Variants in IGSF10 observed in about 807,000 individuals in gnomAD.
The protein encoded by IGSF10 is immunoglobulin superfamily member 10.
IGSF10 carries 126 observed loss-of-function variants against 128.2 expected under a neutral mutation model. That is an observed-to-expected ratio of 0.98 (90% CI 0.85 to 1.14). The LOEUF (loss-of-function observed/expected upper bound fraction) is 1.14. Among genes scored for constraint, IGSF10 ranks in the 50% most tolerant of loss-of-function variants. The pLI, the probability that IGSF10 is intolerant of heterozygous loss-of-function variation, is 0.00. For synonymous variants in IGSF10, 1,185 were observed against 1,146.2 expected, an observed-to-expected ratio of 1.03 and a Z score of -0.68; for missense variants, 3,295 against 3,149.8, an observed-to-expected ratio of 1.05 and a Z score of -1.10.
At position 151,457,134 on chromosome 3, in the gene IGSF10, CA is replaced by C; in HGVS notation, c.215del (p.Leu72Ter). 6.2e-7 allele frequency: 1 copy of C among 1,614,134 alleles called. No individual in the cohort carries two copies. Among genetic ancestry groups the C allele is most frequent in the South Asian group, 1.1e-5 (1 of 91,064 alleles). ...TCAGGCCAGAAAAATCTGTTTCCAT[CA>C]ATCTAACCAAGCTGTTGTATCTGAA... ...INLGYNSLVR[L>X]METDFSGLTK... On this transcript the variant is annotated frameshift_variant, in exon 4 of 8. Coordinates refer to ENST00000282466, the MANE Select transcript of IGSF10 (RefSeq NM_178822.5). LOFTEE classifies it high-confidence loss of function.
At chr3:151,500,291 G>A in the IGSF10 span, among the ~76,000 whole-genome samples, 1,826 of 148,892 alleles carry the variant, frequency 0.012, 94 homozygotes, top group East Asian at 0.17. Flanking sequence ...CATGTATTGT[G>A]TATCTCCCAG....
chr3:151,443,966 TAAG>T (rs1181398495), intron 6 of IGSF10, 82 bp from the exon 7 acceptor site: 1 of 1,072,530 alleles, frequency 9.3e-7, no homozygotes, highest in Non-Finnish European at 1.3e-6. Flanking sequence ...TTTGGGCTAC[TAAG>T]AATACATTTA....
chr3:151,537,413 C>T, the IGSF10 span, among the ~76,000 whole-genome samples: 2 of 151,932 alleles, frequency 1.3e-5, no homozygotes, highest in African/African-American at 4.8e-5. Flanking sequence ...AGGTTGAGGC[C>T]GAGAAGAAAG....
Position 151,443,596 on chromosome 3 carries a change from T to C in IGSF10, c.5351A>G (p.Gln1784Arg). The change falls in exon 7 of 8, where the codon CAA becomes CGA. Residue 1784 changes from glutamine to arginine, a missense_variant. Transcript: ENST00000282466. ...SPTVTWILAN[Q>R]TVVSESSQGS... is the part of the protein sequence containing the mutation. The stretch of plus-strand genomic sequence containing the variant: ...CTGGGATGATTCTGAGACAACTGTT[T>C]GGTTTGCAAGAATCCAGGTAACTGT... 1.2e-6 allele frequency: 2 copies of C among 1,614,246 alleles called. No homozygotes were observed. The highest frequency in any genetic ancestry group is 1.7e-6 in the Non-Finnish European group (2 of 1,180,048).
the IGSF10 span, among the ~76,000 whole-genome samples, chr3:151,608,040 G>A: frequency 6.6e-6 from 1 of 151,894 alleles, no homozygotes; most frequent in South Asian, 2.1e-4. Context: ...ATGTCCTGTG[G>A]TCTGAAGACT....
At chr3:151,513,275 G>T in the IGSF10 span, among the ~76,000 whole-genome samples, 1 of 151,992 alleles carries the variant, frequency 6.6e-6, no homozygotes, top group Non-Finnish European at 1.5e-5. Flanking sequence ...CCATGATCAA[G>T]TGGGCTTCAT....
rs777237629 is a variant in IGSF10 at position 151,438,573 on chromosome 3, G to T, written c.5988C>A (p.Tyr1996Ter). The change falls in exon 8 of 8, where the codon TAC (tyrosine) becomes TAA (stop). Residue 1996 changes from tyrosine (Y) to a stop codon, truncating the protein, a stop_gained. Coordinates refer to ENST00000282466, the MANE Select transcript of IGSF10 (RefSeq NM_178822.5). LOFTEE classifies it low-confidence loss of function (END_TRUNC). The part of the protein sequence containing the change: ...QHRVGSWIHV[Y>*]PNGSLFIGSV... ...ATCCAATAAACAGGGATCCATTAGG[G>T]TAGACGTGGATCCAGCTGCCCACTC... 22 of 1,613,230 alleles carry T rather than the reference G, an allele frequency of 1.4e-5. No homozygotes were observed. The highest frequency in any genetic ancestry group is 1.8e-5 in the Non-Finnish European group (21 of 1,179,758).
At chr3:151,592,035 G>A in the IGSF10 span, among the ~76,000 whole-genome samples, 1 of 152,208 alleles carries the variant, frequency 6.6e-6, no homozygotes, top group East Asian at 1.9e-4. Context: ...GAAATTATAT[G>A]TCTCCTGAAG....
chr3:151,608,794 A>G, the IGSF10 span, among the ~76,000 whole-genome samples: 1 of 152,220 alleles, frequency 6.6e-6, no homozygotes, highest in Non-Finnish European at 1.5e-5. Context: ...GAAAATGATA[A>G]GTAAATAAGG....
chr3:151,539,638 A>ATGAATCTGTAATCC, the IGSF10 span, among the ~76,000 whole-genome samples: 2 of 152,184 alleles, frequency 1.3e-5, no homozygotes, highest in African/African-American at 2.4e-5. Flanking sequence ...TTGTATCAAT[A>ATGAATCTGTAATCC]TGAATCTGTA....
At chr3:151,615,964 GTTTT>G in the IGSF10 span, among the ~76,000 whole-genome samples, 1 of 132,354 alleles carries the variant, frequency 7.6e-6, no homozygotes, top group African/African-American at 2.8e-5. Context: ...GTTTTTTGAG[GTTTT>G]TTTTTTTTTT....
At chr3:151,554,341 A>C in the IGSF10 span, among the ~76,000 whole-genome samples, 1 of 152,158 alleles carries the variant, frequency 6.6e-6, no homozygotes, top group African/African-American at 2.4e-5. Context: ...TAAAAAAGTC[A>C]ATAGCCCATC....
rs763565475 is a variant in IGSF10 at position 151,447,686 on chromosome 3, C to G, written c.2295G>C (p.Lys765Asn). The G allele has an allele frequency of 6.2e-7, 1 of 1,614,166 alleles. No individual in the cohort carries two copies. The change falls in exon 6 of 8, where the codon AAG (lysine) becomes AAC (asparagine). Residue 765 changes from lysine (K) to asparagine (N), a missense_variant. Transcript: ENST00000282466. ...HWAALLEKAK[K>N]NAMPDKRENT... ...TTTCTCGCTTGTCTGGCATAGCATT[C>G]TTTTTAGCTTTCTCCAACAGTGCCG...
chr3:151,562,104 C>T, the IGSF10 span, among the ~76,000 whole-genome samples: 7 of 152,048 alleles, frequency 4.6e-5, no homozygotes, highest in Non-Finnish European at 8.8e-5. Context: ...AGGAAGTTAG[C>T]ACAAGATACA....
At chr3:151,498,917 A>G in the IGSF10 span, among the ~76,000 whole-genome samples, 2 of 152,290 alleles carry the variant, frequency 1.3e-5, no homozygotes, top group Non-Finnish European at 2.9e-5. Context: ...ACTGGCTGCT[A>G]AAATGGACAT....
chr3:151,509,954 G>C, the IGSF10 span, among the ~76,000 whole-genome samples: 2 of 152,216 alleles, frequency 1.3e-5, no homozygotes, highest in Non-Finnish European at 2.9e-5. Context: ...GCTCAGGCTT[G>C]AGTAGGTAAA....
chr3:151,436,610 C>CAAT lies in IGSF10; in HGVS notation c.*78_*79insATT, dbSNP rs1480974245. Reference sequence around the variant, plus strand: ...CTGTAAATGTATTCAAATTCATTTACATGCCTATGGCTGCCTTTGATTAAA... The same window carrying CAAT: ...CTGTAAATGTATTCAAATTCATTTACAATATGCCTATGGCTGCCTTTGATTAAA... On this transcript the variant is annotated 3_prime_UTR_variant, in exon 8 of 8. Transcript: ENST00000282466. 32 of 950,272 alleles carry CAAT rather than the reference C, an allele frequency of 3.4e-5. No homozygotes were observed. Among genetic ancestry groups the CAAT allele is most frequent in the Non-Finnish European group, 5.0e-5 (31 of 623,834 alleles). 58.9% of individuals were successfully genotyped at this position (950,272 alleles called of 1,614,324 possible). A position where few individuals can be genotyped will look rare whatever the true frequency, so the allele number is the denominator to read the frequency against.
upstream of IGSF10, among the ~76,000 whole-genome samples, chr3:151,462,545 G>A (rs532868800): frequency 1.1e-3 from 159 of 145,034 alleles, no homozygotes; most frequent in African/African-American, 4.1e-3. Context: ...TTACAAGTAA[G>A]GTACATGAAG....
At position 151,445,514 on chromosome 3, in the gene IGSF10, G is replaced by C. The variant is rs184510809; in HGVS notation, c.4467C>G (p.Asn1489Lys). The change falls in exon 6 of 8, where the codon AAC (asparagine) becomes AAG (lysine). Residue 1489 changes from asparagine to lysine, a missense_variant. Asn to Lys is a moderately conservative substitution (Grantham distance 94). Transcript: ENST00000282466. Reference sequence around the variant, plus strand: ...TAAGCCCGGAAATGGGAGTCGCCACGTTGTCAGTAACTGCTCTCTGAGTAA... The same window carrying C: ...TAAGCCCGGAAATGGGAGTCGCCACCTTGTCAGTAACTGCTCTCTGAGTAA... ...PPFTQRAVTD[N>K]VATPISGLMT... The C allele has an allele frequency of 4.8e-5, 77 of 1,614,032 alleles. No homozygotes were observed. The highest frequency in any genetic ancestry group is 6.1e-5 in the Non-Finnish European group (72 of 1,180,030).
Sources: gnomAD v4.1 joint callset for allele counts (sites outside exome capture counted in the v4.1 genomes callset) on GRCh38, gnomAD v4.1.1 for gene constraint, MANE v1.5 for transcripts, NCBI Gene and HGNC (gene_info 2026-07-23, HGNC 2026-07-21) for gene names.